NIPA1: variants seen among roughly 807,000 people sequenced by gnomAD.
NIPA1 encodes NIPA magnesium transporter 1.
A neutral mutation model predicts 23.9 loss-of-function variants in NIPA1; 13 were observed. The observed-to-expected ratio is 0.54, with a 90% confidence interval of 0.35 to 0.87. The LOEUF is 0.87. Among genes scored for constraint, NIPA1 ranks in the 40% least tolerant of loss-of-function variants. The probability of loss-of-function intolerance (pLI) is 0.01; values close to 1 mark genes in which losing one functional copy is unlikely to be tolerated. For missense variants in NIPA1, 362 were observed against 429.7 expected (o/e 0.84, Z 1.39); for synonymous variants, 234 against 202.9 (o/e 1.15, Z -1.30).
intron 1 of NIPA1, among the ~76,000 whole-genome samples, chr15:22,799,918 T>C (rs1341788799): frequency 8.7e-6 from 1 of 115,238 alleles, no homozygotes; most frequent in Non-Finnish European, 1.6e-5. Flanking sequence ...CACTCCAGCC[T>C]GGGAGACAGA....
intron 1 of NIPA1, among the ~76,000 whole-genome samples, chr15:22,791,427 G>T (rs1894822868): frequency 6.7e-6 from 1 of 149,832 alleles, no homozygotes; most frequent in African/African-American, 2.5e-5. Context: ...GTCAAGTTCT[G>T]GTGACAGTCC....
chr15:22,820,332 C>A lies in NIPA1; in HGVS notation c.337C>A (p.Leu113Ile). The A allele has an allele frequency of 1.9e-6, 3 of 1,612,196 alleles. No individual in the cohort carries two copies. Among genetic ancestry groups the A allele is most frequent in the Non-Finnish European group, 2.5e-6 (3 of 1,178,190 alleles). Residue 113 changes from leucine (L) to isoleucine (I), a missense_variant, in exon 4 of 5, where the codon CTC (leucine) becomes ATC (isoleucine). Leu to Ile is a conservative substitution (Grantham distance 5, BLOSUM62 2). Transcript: ENST00000337435. ...ATAAAGGTCCATTTTAGCTTCCTAT[C>A]TCCTGAAGGAAAAGCTCAACATCTT... is the stretch of plus-strand genomic sequence containing the variant. ...VPFGSILASY[L>I]LKEKLNILGK... is the part of the protein sequence containing the mutation.
upstream of NIPA1, chr15:22,786,636 C>T: frequency 1.0e-6 from 1 of 975,738 alleles, no homozygotes; most frequent in South Asian, 4.4e-5. Flanking sequence ...GGCGCAGGCT[C>T]GGAGGGCGGG....
intron 1 of NIPA1, among the ~76,000 whole-genome samples, chr15:22,796,817 C>A (rs1894947235): frequency 6.6e-6 from 1 of 152,144 alleles, no homozygotes; most frequent in African/African-American, 2.4e-5. Context: ...ACAGGGTTGC[C>A]TGACTCGTGC....
chr15:22,794,935 T>TC (rs948585826), intron 1 of NIPA1, among the ~76,000 whole-genome samples: 32 of 151,588 alleles, frequency 2.1e-4, no homozygotes, highest in Non-Finnish European at 5.9e-5. Context: ...TCATTTGCAT[T>TC]CCCCCCCATC....
chr15:22,786,259 C>G (rs1433272569), upstream of NIPA1: 1 of 152,162 alleles, frequency 6.6e-6, no homozygotes, highest in Non-Finnish European at 1.5e-5. Context: ...GTGAGTTGGG[C>G]CGGCCTCCGC....
At chr15:22,791,629 G>A (rs569116524) in intron 1 of NIPA1, among the ~76,000 whole-genome samples, 32 of 151,880 alleles carry the variant, frequency 2.1e-4, no homozygotes, top group East Asian at 1.9e-3. Flanking sequence ...CATTACAGGC[G>A]TCCGCCACCA....
intron 1 of NIPA1, among the ~76,000 whole-genome samples, chr15:22,796,646 T>G (rs1346840429): frequency 1.3e-5 from 2 of 152,120 alleles, no homozygotes; most frequent in Non-Finnish European, 2.9e-5. Context: ...TACCAATTTC[T>G]TTTTTGTTTT....
In NIPA1 at chr15:22,786,706, G is replaced by C; in HGVS notation, c.50G>C (p.Gly17Ala). 8.6e-7 allele frequency: 1 copy of C among 1,165,650 alleles called. No individual in the cohort carries two copies. The highest frequency in any genetic ancestry group is 1.1e-6 in the Non-Finnish European group (1 of 935,636). The allele number at this position is 1,165,650 out of a possible 1,614,324, so 72.2% of individuals were successfully genotyped here. A position where few individuals can be genotyped will look rare whatever the true frequency, so the allele number is the denominator to read the frequency against. ...GCGGCGGCGGCGGCGGCGGCGGCCGGGGAGGGGGCGCGTAGCCCGAGCCCC... is the reference window on the plus strand; with the variant it reads ...GCGGCGGCGGCGGCGGCGGCGGCCGCGGAGGGGGCGCGTAGCCCGAGCCCC... Reference protein sequence around the residue: ...AAAAAAAAAAGEGARSPSPAA... With the variant: ...AAAAAAAAAAAEGARSPSPAA... Residue 17 changes from glycine to alanine, a missense_variant, in exon 1 of 5, where the codon GGG becomes GCG. Physicochemically the swap from Gly to Ala is moderately conservative, Grantham distance 60 (BLOSUM62 0). Around this residue, in one of 2 missense-constraint regions of NIPA1, gnomAD observed 85 missense variants for 57.7 expected, o/e 1.47. Transcript: ENST00000337435.
intron 1 of NIPA1, among the ~76,000 whole-genome samples, chr15:22,800,249 A>AT (rs1170980408): frequency 2.6e-5 from 4 of 152,054 alleles, no homozygotes; most frequent in African/African-American, 4.8e-5. Context: ...CCCCTGTAGG[A>AT]TTTTTTTGAA....
Position 22,786,811 on chromosome 15 carries a change from G to T in NIPA1, c.155G>T (p.Gly52Val). 7.9e-7 allele frequency: 1 copy of T among 1,259,026 alleles called. No individual in the cohort carries two copies. The highest frequency in any genetic ancestry group is 1.0e-6 in the Non-Finnish European group (1 of 979,522). The allele number at this position is 1,259,026 out of a possible 1,614,324, so 78.0% of individuals were successfully genotyped here. A position where few individuals can be genotyped will look rare whatever the true frequency, so the allele number is the denominator to read the frequency against. The change falls in exon 1 of 5, where the codon GGC becomes GTC. Residue 52 changes from glycine to valine, a missense_variant. Physicochemically the swap from Gly to Val is moderately radical, Grantham distance 109. Around this residue, in one of 2 missense-constraint regions of NIPA1, gnomAD observed 277 missense variants for 372.0 expected, o/e 0.74. Transcript: ENST00000337435. ...NGSTFVLQKK[G>V]IVRAKRRGTS... ...TCCACGTTCGTGCTACAGAAGAAGG[G>T]CATCGTGCGTGCCAAGCGGCGAGGT...
intron 1 of NIPA1, among the ~76,000 whole-genome samples, chr15:22,807,937 C>T (rs974669399): frequency 2.6e-5 from 4 of 152,008 alleles, no homozygotes; most frequent in African/African-American, 4.8e-5. Flanking sequence ...GCGCCCACCA[C>T]CATGCCCAGC....
rs868280782 is a variant in NIPA1 at position 22,828,430 on chromosome 15, T to C, written c.*4191T>C. 6.6e-6 allele frequency: 1 copy of C among 152,586 alleles called. No homozygotes were observed. The highest frequency in any genetic ancestry group is 1.5e-5 in the Non-Finnish European group (1 of 68,032). The allele number at this position is 152,586 out of a possible 1,614,324, so 9.5% of individuals were successfully genotyped here. On this transcript the variant is annotated 3_prime_UTR_variant, in exon 5 of 5. Coordinates refer to ENST00000337435, the MANE Select transcript of NIPA1 (RefSeq NM_144599.5). ...TGATGAATTTTAAGGGTCTGTCCTT[T>C]AGCTTATAGGTGATGTTTCACATCT...
intron 1 of NIPA1, among the ~76,000 whole-genome samples, chr15:22,794,749 A>G (rs948553004): frequency 1.3e-5 from 2 of 151,874 alleles, no homozygotes; most frequent in Admixed American, 6.6e-5. Flanking sequence ...CGCTCCTCAT[A>G]CCTGGGCACG....
chr15:22,803,213 T>A (rs1210326607), intron 1 of NIPA1, among the ~76,000 whole-genome samples: 1 of 151,998 alleles, frequency 6.6e-6, no homozygotes, highest in African/African-American at 2.4e-5. Flanking sequence ...CACCTCGGCC[T>A]CCCAAAGTGC....
chr15:22,792,778 A>G (rs1595630213), intron 1 of NIPA1, among the ~76,000 whole-genome samples: 1 of 147,928 alleles, frequency 6.8e-6, no homozygotes, highest in Non-Finnish European at 1.5e-5. Flanking sequence ...GCGTGGTGAA[A>G]CCCCGTCTGT....
intron 3 of NIPA1, among the ~76,000 whole-genome samples, chr15:22,813,390 A>AGGGGAAAGG (rs1181269467): frequency 3.3e-5 from 5 of 152,104 alleles, no homozygotes; most frequent in African/African-American, 1.2e-4. Context: ...TGTGGGGCAA[A>AGGGGAAAGG]GGGGAAAGGG....
chr15:22,792,734 G>A (rs557193423), intron 1 of NIPA1, among the ~76,000 whole-genome samples: 2 of 152,116 alleles, frequency 1.3e-5, no homozygotes, highest in East Asian at 2.0e-4. Flanking sequence ...CAGGTGGATC[G>A]CCTGAGGTCA....
At position 22,823,902 on chromosome 15, in the gene NIPA1, A is replaced by G; in HGVS notation, c.653A>G (p.His218Arg). The change falls in exon 5 of 5, where the codon CAT becomes CGT. Residue 218 changes from histidine to arginine, a missense_variant. Physicochemically the swap from His to Arg is conservative, Grantham distance 29. Coordinates refer to ENST00000337435, the MANE Select transcript of NIPA1 (RefSeq NM_144599.5). ...GGGCTGGCGGCCCAAGACATCTTGC[A>G]TAACAACCCGTCCAGTCAGAGAGCC... Reference protein sequence around the residue: ...GIGLAAQDILHNNPSSQRALC... With the variant: ...GIGLAAQDILRNNPSSQRALC... 1 of 1,614,206 alleles carries G rather than the reference A, an allele frequency of 6.2e-7. No homozygotes were observed. Among genetic ancestry groups the G allele is most frequent in the East Asian group, 2.2e-5 (1 of 44,888 alleles).
Sources: gnomAD v4.1 joint callset for allele counts (sites outside exome capture counted in the v4.1 genomes callset) on GRCh38, gnomAD v4.1.1 for gene constraint, gnomAD v4.1.1 regional missense constraint, MANE v1.5 for transcripts, NCBI Gene and HGNC (gene_info 2026-07-23, HGNC 2026-07-21) for gene names.